Variants in RPF1 observed in about 807,000 individuals in gnomAD.
RPF1 encodes ribosome production factor 1 homolog.
In RPF1, 34 loss-of-function variants were observed where a neutral mutation model predicts 41.9. The ratio of observed to expected loss-of-function variants is 0.81; its 90% CI spans 0.62 to 1.08. The LOEUF (loss-of-function observed/expected upper bound fraction) is 1.08, where lower values mean the gene tolerates loss of function less well. Ranked by LOEUF, RPF1 falls within the 50% of genes least tolerant of loss-of-function variation. The pLI, the probability that RPF1 is intolerant of heterozygous loss-of-function variation, is 0.00. For synonymous variants in RPF1, 140 were observed against 148.9 expected (o/e 0.94, Z 0.43); for missense variants, 425 against 435.2 (o/e 0.98, Z 0.21).
chr1:84,496,276 T>C lies in RPF1; in HGVS notation c.914T>C (p.Ile305Thr). 1 of 1,613,600 alleles carries C rather than the reference T, an allele frequency of 6.2e-7. No individual in the cohort carries two copies. Among genetic ancestry groups the C allele is most frequent in the Non-Finnish European group, 8.5e-7 (1 of 1,179,652 alleles). ...YIFRSEKKVG[I>T]QELGPRFTLK... ...TTCAGGAGTGAAAAGAAAGTGGGAA[T>C]TCAGGAACTTGGACCACGTTTTACC... The change falls in exon 8 of 9, where the codon ATT becomes ACT. Residue 305 changes from isoleucine (I) to threonine (T), a missense_variant. By Grantham distance (89) the Ile-to-Thr change is moderately conservative. Transcript: ENST00000370654.
chr1:84,489,273 T>C (rs564789801), intron 3 of RPF1, among the ~76,000 whole-genome samples: 1 of 152,284 alleles, frequency 6.6e-6, no homozygotes. Context: ...CTTCTCGTAA[T>C]TTCATTAGTT....
chr1:84,484,962 G>A (rs751820415), intron 3 of RPF1, among the ~76,000 whole-genome samples: 17 of 152,028 alleles, frequency 1.1e-4, no homozygotes, highest in East Asian at 7.7e-4. Flanking sequence ...GTGAGCCACC[G>A]CACTTAGCCA....
At chr1:84,496,147 A>C (rs966724950) in intron 7 of RPF1, 84 bp downstream of exon 7, 4 of 1,467,820 alleles carry the variant, frequency 2.7e-6, no homozygotes, top group Admixed American at 3.9e-5. Context: ...ATATTGTAGC[A>C]AGTATCATAC....
At position 84,497,523 on chromosome 1, in the gene RPF1, G is replaced by T; in HGVS notation, c.*53G>T. 7.5e-7 allele frequency: 1 copy of T among 1,335,284 alleles called. No homozygotes were observed. The allele number at this position is 1,335,284 out of a possible 1,614,324, so 82.7% of individuals were successfully genotyped here. On this transcript the variant is annotated 3_prime_UTR_variant, in exon 9 of 9. Coordinates refer to ENST00000370654, the MANE Select transcript of RPF1 (RefSeq NM_025065.7). The stretch of plus-strand genomic sequence containing the variant: ...GCTGAACAGGCCTATCTTGAACTTT[G>T]GTAAATTATTTTTGACAGAATACTC...
intron 1 of RPF1, 50 bp downstream of exon 1, chr1:84,479,559 T>A: frequency 6.4e-7 from 1 of 1,561,684 alleles, no homozygotes; most frequent in Non-Finnish European, 8.8e-7. Context: ...TTCCTGACGC[T>A]TAGGGCGGTC....
At chr1:84,496,142 G>T (rs1681930288) in intron 7 of RPF1, 79 bp downstream of exon 7, 2 of 1,473,954 alleles carry the variant, frequency 1.4e-6, no homozygotes, top group East Asian at 2.3e-5. Flanking sequence ...CCAACATATT[G>T]TAGCAAGTAT....
intron 3 of RPF1, among the ~76,000 whole-genome samples, chr1:84,486,605 A>AAT (rs1681744618): frequency 6.6e-6 from 1 of 151,624 alleles, no homozygotes; most frequent in Admixed American, 6.6e-5. Flanking sequence ...AAAAAAAAAA[A>AAT]AAAAGAATAG....
intron 5 of RPF1, among the ~76,000 whole-genome samples, chr1:84,495,100 G>T (rs919121300): frequency 6.6e-6 from 1 of 151,884 alleles, no homozygotes; most frequent in Non-Finnish European, 1.5e-5. Context: ...CTTTAGTTTA[G>T]GGTACCTTAA....
intron 1 of RPF1, 78 bp downstream of exon 1, chr1:84,479,587 G>T (rs1681604784): frequency 2.9e-6 from 4 of 1,363,268 alleles, no homozygotes; most frequent in Non-Finnish European, 4.1e-6. Flanking sequence ...GCACATCTGT[G>T]GTTGTCTGCT....
At chr1:84,490,543 A>G (rs1488668844) in intron 5 of RPF1, 71 bp downstream of exon 5, 1 of 1,045,904 alleles carries the variant, frequency 9.6e-7, no homozygotes, top group Non-Finnish European at 1.4e-6. Context: ...ATTTAAAAGA[A>G]TAAGGAAATA....
At position 84,490,422 on chromosome 1, in the gene RPF1, C is replaced by G; in HGVS notation, c.566C>G (p.Ala189Gly). 1 of 1,610,010 alleles carries G rather than the reference C, an allele frequency of 6.2e-7. No individual in the cohort carries two copies. The highest frequency in any genetic ancestry group is 1.1e-5 in the South Asian group (1 of 90,212). Residue 189 changes from alanine (A) to glycine (G), a missense_variant, in exon 5 of 9, where the codon GCA becomes GGA. By Grantham distance (60) the Ala-to-Gly change is moderately conservative (BLOSUM62 0). Transcript: ENST00000370654. ...AAAAAAATTATTCCACAGTGCATCG[C>G]AAGAGATTTCACAGACCTGATTGTT... ...ALKKIIPQCIARDFTDLIVIN... is the reference protein window; with the variant it reads ...ALKKIIPQCIGRDFTDLIVIN...
In RPF1 at chr1:84,497,401, C is replaced by T. The variant is rs757234190; in HGVS notation, c.1009-28C>T. The T allele has an allele frequency of 1.9e-6, 3 of 1,593,174 alleles. No individual in the cohort carries two copies. The African/African-American group carries it at 4.1e-5, about 22-fold the overall frequency. ...AATTATATTTTTGTTTTGTTTTCTT[C>T]CTCCACTCCCTTGCTTTCCACTTTC... On this transcript the variant is annotated intron_variant, in intron 8 of 8. Transcript: ENST00000370654.
chr1:84,489,440 G>T (rs1172536043), intron 3 of RPF1, among the ~76,000 whole-genome samples, 193 bp from the exon 4 acceptor site: 2 of 152,048 alleles, frequency 1.3e-5, no homozygotes, highest in Admixed American at 6.6e-5. Flanking sequence ...TTTTGTACTT[G>T]TATTTTACAC....
At chr1:84,489,799 C>G in intron 4 of RPF1, 71 bp downstream of exon 4, 1 of 869,402 alleles carries the variant, frequency 1.2e-6, no homozygotes, top group Non-Finnish European at 1.9e-6. Flanking sequence ...GTACTCTGTT[C>G]AGAAGAGTTA....
At chr1:84,495,484 A>G (rs1430275929) in intron 6 of RPF1, 29 bp downstream of exon 6, 2 of 914,470 alleles carry the variant, frequency 2.2e-6, no homozygotes, top group Non-Finnish European at 3.5e-6. Context: ...TTTGATTGGC[A>G]TTGATCTCTT....
chr1:84,489,013 TTTC>T (rs1423040593), intron 3 of RPF1, among the ~76,000 whole-genome samples: 1 of 152,090 alleles, frequency 6.6e-6, no homozygotes, highest in African/African-American at 2.4e-5. Context: ...TTCTGAGTAC[TTTC>T]TTCTTTGATC....
At position 84,490,440 on chromosome 1, in the gene RPF1, T is replaced by G; in HGVS notation, c.584T>G (p.Leu195Arg). The change falls in exon 5 of 9, where the codon CTG becomes CGG. Residue 195 changes from leucine to arginine, a missense_variant. Transcript: ENST00000370654. ...PQCIARDFTD[L>R]IVINEDRKTP... ...TGCATCGCAAGAGATTTCACAGACCTGATTGTTATTAATGAAGATCGTAAA... is the reference window on the plus strand; with the variant it reads ...TGCATCGCAAGAGATTTCACAGACCGGATTGTTATTAATGAAGATCGTAAA... 1 of 1,601,436 alleles carries G rather than the reference T, an allele frequency of 6.2e-7. No homozygotes were observed. Among genetic ancestry groups the G allele is most frequent in the Non-Finnish European group, 8.5e-7 (1 of 1,175,812 alleles).
intron 5 of RPF1, among the ~76,000 whole-genome samples, chr1:84,493,824 C>T (rs1017317307): frequency 1.3e-5 from 2 of 152,124 alleles, no homozygotes; most frequent in East Asian, 3.9e-4. Flanking sequence ...TGCTAGGATT[C>T]ACATATATAG....
At position 84,496,374 on chromosome 1, in the gene RPF1, T is replaced by C. The variant is rs763687704; in HGVS notation, c.1008+4T>C. 3.3e-5 allele frequency: 53 copies of C among 1,584,504 alleles called. No individual in the cohort carries two copies. Among genetic ancestry groups the C allele is most frequent in the East Asian group, 4.5e-5 (2 of 44,532 alleles). ...AGAGTATGAATGGGTCCATAAGGTATGTGCTTATTGTTTAAAAAGACTAAG... is the reference window on the plus strand; with the variant it reads ...AGAGTATGAATGGGTCCATAAGGTACGTGCTTATTGTTTAAAAAGACTAAG... On this transcript the variant is annotated splice_donor_region_variant and intron_variant, in intron 8 of 8. Coordinates refer to ENST00000370654, the MANE Select transcript of RPF1 (RefSeq NM_025065.7).
Sources: gnomAD v4.1 joint callset for allele counts (sites outside exome capture counted in the v4.1 genomes callset) on GRCh38, gnomAD v4.1.1 for gene constraint, MANE v1.5 for transcripts, NCBI Gene and HGNC (gene_info 2026-07-23, HGNC 2026-07-21) for gene names.